THAP9: variants seen among roughly 807,000 people sequenced by gnomAD.
THAP9 encodes the protein THAP domain containing 9, also known as DNA transposase THAP9.
In THAP9, 20 loss-of-function variants were observed where a neutral mutation model predicts 35.7. That is an observed-to-expected ratio of 0.56 (90% CI 0.39 to 0.81). THAP9 has a LOEUF of 0.81. THAP9 is among the 40% of genes least tolerant of loss of function. The probability of loss-of-function intolerance (pLI) is 0.00; values close to 1 mark genes in which losing one functional copy is unlikely to be tolerated. For missense variants in THAP9, 870 were observed against 1,047.4 expected (o/e 0.83, Z 2.34); for synonymous variants, 335 against 373.7 (o/e 0.90, Z 1.19).
rs1336330839 is a variant in THAP9, at chr4:82,907,922, T to C, written c.718T>C (p.Ser240Pro). The C allele has an allele frequency of 6.2e-7, 1 of 1,609,638 alleles. No individual in the cohort carries two copies. Among genetic ancestry groups the C allele is most frequent in the African/African-American group, 1.3e-5 (1 of 74,880 alleles). Residue 240 changes from serine to proline, a missense_variant, in exon 4 of 5, where the codon TCC becomes CCC. Ser to Pro is a moderately conservative substitution (Grantham distance 74, BLOSUM62 -1). Around this residue, in one of 3 missense-constraint regions of THAP9, gnomAD observed 440 missense variants for 501.2 expected, o/e 0.88. Coordinates refer to ENST00000302236, the MANE Select transcript of THAP9 (RefSeq NM_024672.6). ...VRKILKLPHSSILRTWLSKCQ... is the reference protein window; with the variant it reads ...VRKILKLPHSPILRTWLSKCQ... Reference sequence around the variant, plus strand: ...AAAGATTCTTAAGCTGCCTCATTCTTCCATCCTCAGAACGTAAGTGAATTA... The same window carrying C: ...AAAGATTCTTAAGCTGCCTCATTCTCCCATCCTCAGAACGTAAGTGAATTA...
intron 3 of THAP9, 86 bp downstream of exon 3, chr4:82,906,713 G>A: frequency 7.7e-7 from 1 of 1,299,084 alleles, no homozygotes; most frequent in Non-Finnish European, 1.0e-6. Flanking sequence ...TCTTGCCTAT[G>A]AAAACATGCT....
intron 2 of THAP9, among the ~76,000 whole-genome samples, chr4:82,905,532 C>T (rs1013327753): frequency 4.8e-4 from 2 of 4,132 alleles, no homozygotes. Flanking sequence ...TTACTTTCCT[C>T]TTAATCGTCA....
At chr4:82,912,110 T>G (rs192833019) in intron 4 of THAP9, among the ~76,000 whole-genome samples, 9 of 152,346 alleles carry the variant, frequency 5.9e-5, no homozygotes, top group Admixed American at 1.3e-4. Context: ...ATTCTTTATG[T>G]CCAAAACTTT....
chr4:82,906,299 C>CT, intron 2 of THAP9, 25 bp from the exon 3 acceptor site: 3 of 1,509,936 alleles, frequency 2.0e-6, no homozygotes, highest in Non-Finnish European at 2.7e-6. Context: ...TCTAAAATAA[C>CT]TTTAATTTTA....
At chr4:82,915,585 G>A (rs1721010219) in intron 4 of THAP9, among the ~76,000 whole-genome samples, 1 of 151,966 alleles carries the variant, frequency 6.6e-6, no homozygotes, top group Non-Finnish European at 1.5e-5. Flanking sequence ...ACCTATTAAT[G>A]CATCATGAAA....
At chr4:82,911,687 A>T (rs575559533) in intron 4 of THAP9, among the ~76,000 whole-genome samples, 48 of 152,324 alleles carry the variant, frequency 3.2e-4, no homozygotes, top group African/African-American at 1.1e-3. Context: ...AGTAGCTAGA[A>T]CTACAGACAT....
intron 1 of THAP9, among the ~76,000 whole-genome samples, chr4:82,902,878 C>T (rs1486925378): frequency 6.6e-6 from 1 of 152,220 alleles, no homozygotes; most frequent in Non-Finnish European, 1.5e-5. Flanking sequence ...TACACTCTTA[C>T]TACAGCCCTG....
At chr4:82,904,666 T>C in intron 1 of THAP9, 70 bp from the exon 2 acceptor site, 1 of 1,395,394 alleles carries the variant, frequency 7.2e-7, no homozygotes, top group Non-Finnish European at 1.0e-6. Context: ...GATGGGTTTA[T>C]ATAATAAATA....
intron 4 of THAP9, among the ~76,000 whole-genome samples, chr4:82,915,682 G>C (rs957323540): frequency 6.6e-6 from 1 of 151,756 alleles, no homozygotes; most frequent in Non-Finnish European, 1.5e-5. Flanking sequence ...TATATGTGGG[G>C]GATTGGTTCT....
At chr4:82,902,090 C>A (rs751366427) in intron 1 of THAP9, among the ~76,000 whole-genome samples, 23 of 149,250 alleles carry the variant, frequency 1.5e-4, no homozygotes, top group Non-Finnish European at 3.0e-4. Flanking sequence ...TACAATATTT[C>A]CCAACATTTT....
intron 1 of THAP9, chr4:82,901,087 G>A (rs1720333954): frequency 1.4e-6 from 1 of 723,770 alleles, no homozygotes; most frequent in African/African-American, 1.7e-5. Flanking sequence ...GTTTACCTCT[G>A]AATAGCCGGT....
Position 82,918,878 on chromosome 4 carries a change from G to A in THAP9, c.2666G>A (p.Ser889Asn). ...TGTTCAAGTTTTGCTAATACCAGTA[G>A]TAAATTCAGGCATTTGCTAAGTAAC... ...YKCSSFANTS[S>N]KFRHLLSNDG... Residue 889 changes from serine to asparagine, a missense_variant, in exon 5 of 5, where the codon AGT becomes AAT. Physicochemically the swap from Ser to Asn is conservative, Grantham distance 46. Around this residue, in one of 3 missense-constraint regions of THAP9, gnomAD observed 414 missense variants for 500.8 expected, o/e 0.83. Coordinates refer to ENST00000302236, the MANE Select transcript of THAP9 (RefSeq NM_024672.6). 6.2e-7 allele frequency: 1 copy of A among 1,609,664 alleles called. No individual in the cohort carries two copies. Among genetic ancestry groups the A allele is most frequent in the Non-Finnish European group, 8.5e-7 (1 of 1,177,896 alleles).
Position 82,900,888 on chromosome 4 carries a change from T to TCCC in THAP9, c.80+6_80+7insCCC. The stretch of plus-strand genomic sequence containing the variant: ...CGCGGCCTCTCCTTCCACCAGTGCG[T>TCCC]ATGGGAGCAGCCTCGAAGCCTTCGA... On this transcript the variant is annotated splice_region_variant and intron_variant, in intron 1 of 4. Coordinates refer to ENST00000302236, the MANE Select transcript of THAP9 (RefSeq NM_024672.6). 1 of 1,613,108 alleles carries TCCC rather than the reference T, an allele frequency of 6.2e-7. No homozygotes were observed. The highest frequency in any genetic ancestry group is 1.1e-5 in the South Asian group (1 of 91,068).
At chr4:82,902,630 G>T (rs1429006942) in intron 1 of THAP9, among the ~76,000 whole-genome samples, 1 of 152,192 alleles carries the variant, frequency 6.6e-6, no homozygotes, top group East Asian at 1.9e-4. Flanking sequence ...CTGTGGAAAA[G>T]CTCCCTTGCA....
intron 1 of THAP9, among the ~76,000 whole-genome samples, chr4:82,902,915 T>C (rs897280138): frequency 2.6e-5 from 4 of 152,240 alleles, no homozygotes; most frequent in Admixed American, 2.0e-4. Context: ...TTGAGAGATG[T>C]GTCTAATACC....
chr4:82,917,115 G>T lies in THAP9; in HGVS notation c.903G>T (p.Gly301=), dbSNP rs1721058292. 6.2e-7 allele frequency: 1 copy of T among 1,613,326 alleles called. No individual in the cohort carries two copies. The highest frequency in any genetic ancestry group is 1.3e-5 in the African/African-American group (1 of 74,896). The change falls in exon 5 of 5, where the codon GGG becomes GGT. Residue 301 remains glycine, a synonymous_variant. Transcript: ENST00000302236. ...ATCCTAGCAGTCACAGTTTGCAGGG[G>T]TTTATGGACTTTGGTCTTGGAAAAC... ...QWDPSSHSLQ[G]FMDFGLGKLD...
In THAP9 at chr4:82,918,256, G is replaced by A. The variant is rs140906722; in HGVS notation, c.2044G>A (p.Val682Ile). The part of the protein sequence containing the change: ...WTVQRQYGVS[V>I]TKTVFHEEGI... ...AGTTCAACGTCAGTATGGTGTCAGC[G>A]TTACAAAGACTGTCTTTCACGAAGA... Residue 682 changes from valine (V) to isoleucine (I), a missense_variant, in exon 5 of 5, where the codon GTT becomes ATT. Physicochemically the swap from Val to Ile is conservative, Grantham distance 29. Transcript: ENST00000302236. 195 of 1,614,030 alleles carry A rather than the reference G, an allele frequency of 1.2e-4. No individual in the cohort carries two copies. The highest frequency in any genetic ancestry group is 3.3e-4 in the Middle Eastern group (2 of 6,084).
chr4:82,906,513 G>C lies in THAP9; in HGVS notation c.466G>C (p.Val156Leu), dbSNP rs571856861. ...LQVSKKRLIS[V>L]KNYRMIKKRK... is the part of the protein sequence containing the mutation. ...AGTGTCCAAAAAAAGACTTATCTCC[G>C]TAAAGAACTACAGGATGATCAAGAA... Residue 156 changes from valine (V) to leucine (L), a missense_variant, in exon 3 of 5, where the codon GTA becomes CTA. By Grantham distance (32) the Val-to-Leu change is conservative (BLOSUM62 1). Around this residue, in one of 3 missense-constraint regions of THAP9, gnomAD observed 440 missense variants for 501.2 expected, o/e 0.88. Transcript: ENST00000302236. The C allele has an allele frequency of 7.4e-6, 12 of 1,613,744 alleles. No individual in the cohort carries two copies. Among genetic ancestry groups the C allele is most frequent in the Non-Finnish European group, 1.0e-5 (12 of 1,179,756 alleles).
intron 4 of THAP9, chr4:82,910,809 C>A: frequency 2.3e-6 from 1 of 429,328 alleles, no homozygotes; most frequent in Non-Finnish European, 4.8e-6. Context: ...GCTGGGAGAT[C>A]AGGTAAGATG....
Sources: allele counts gnomAD v4.1 joint callset (sites outside exome capture counted in the v4.1 genomes callset), GRCh38; gene constraint gnomAD v4.1.1; regional missense constraint gnomAD v4.1.1; transcripts MANE v1.5; gene names NCBI Gene and HGNC (gene_info 2026-07-23, HGNC 2026-07-21).